The following PMVK variants were observed in gnomAD, a reference collection of about 807,000 sequenced individuals.
PMVK encodes the protein testis tissue sperm-binding protein Li 95mP.
Under a neutral mutation model 19.0 loss-of-function variants are expected in PMVK, and 10 were observed. The observed-to-expected ratio is 0.53, with a 90% CI of 0.32 to 0.89. The LOEUF is 0.89. Among genes scored for constraint, PMVK ranks in the 40% least tolerant of loss-of-function variants. The pLI is 0.03. For synonymous variants in PMVK, 108 were observed against 101.6 expected, an observed-to-expected ratio of 1.06 and a Z score of -0.38; for missense variants, 222 against 251.1, an observed-to-expected ratio of 0.88 and a Z score of 0.78.
At position 154,929,019 on chromosome 1, in the gene PMVK, C is replaced by A. The variant is rs754979271; in HGVS notation, c.312+5G>T. ...GTTCTTCATGCTGCCATGGAGCCCTCTTACCCAGATGGGCTGGGAGATGCC... is the reference window on the plus strand; with the variant it reads ...GTTCTTCATGCTGCCATGGAGCCCTATTACCCAGATGGGCTGGGAGATGCC... On this transcript the variant is annotated splice_donor_5th_base_variant and intron_variant, in intron 3 of 4. Transcript: ENST00000368467. The A allele has an allele frequency of 2.5e-6, 4 of 1,613,458 alleles. No individual in the cohort carries two copies. In the South Asian group the frequency reaches 4.4e-5, roughly 18 times the overall value.
At chr1:154,925,540 C>T (rs1360439030) in intron 4 of PMVK, among the ~76,000 whole-genome samples, 1 of 152,250 alleles carries the variant, frequency 6.6e-6, no homozygotes, top group Non-Finnish European at 1.5e-5. Flanking sequence ...TCTAAAACCA[C>T]ACACAACCCA....
intron 1 of PMVK, among the ~76,000 whole-genome samples, chr1:154,935,452 G>A (rs1654474216): frequency 1.3e-5 from 2 of 152,176 alleles, no homozygotes; most frequent in South Asian, 4.1e-4. Flanking sequence ...AGAAGATCTT[G>A]CTTTGACAGA....
chr1:154,925,024 C>A lies in PMVK; in HGVS notation c.*105G>T. 9.5e-7 allele frequency: 1 copy of A among 1,052,540 alleles called. No individual in the cohort carries two copies. The highest frequency in any genetic ancestry group is 1.4e-6 in the Non-Finnish European group (1 of 738,938). 65.2% of individuals were successfully genotyped at this position (1,052,540 alleles called of 1,614,324 possible). A position where few individuals can be genotyped will look rare whatever the true frequency, so the allele number is the denominator to read the frequency against. The stretch of plus-strand genomic sequence containing the variant: ...CAACCCCCTCAGAATCTAGACCCCC[C>A]CTGTCTGTTCCTCACCTCGGCCAGG... On this transcript the variant is annotated 3_prime_UTR_variant, in exon 5 of 5. Coordinates refer to ENST00000368467, the MANE Select transcript of PMVK (RefSeq NM_006556.4).
chr1:154,938,952 C>T (rs1254782814), upstream of PMVK, among the ~76,000 whole-genome samples: 1 of 152,140 alleles, frequency 6.6e-6, no homozygotes, highest in Non-Finnish European at 1.5e-5. Flanking sequence ...TTCCTGGGCT[C>T]AAGCAGTCCT....
At chr1:154,936,290 C>T in intron 1 of PMVK, 6 of 652,202 alleles carry the variant, frequency 9.2e-6, no homozygotes, top group Non-Finnish European at 1.1e-5. Context: ...CCATGTTGCC[C>T]AGGCTGGTAT....
chr1:154,932,114 C>T (rs1421031030), intron 2 of PMVK, among the ~76,000 whole-genome samples: 1 of 152,130 alleles, frequency 6.6e-6, no homozygotes, highest in Non-Finnish European at 1.5e-5. Flanking sequence ...ACTCGAGTGT[C>T]GACAGCCTTT....
intron 1 of PMVK, 31 bp downstream of exon 1, chr1:154,936,560 C>T (rs369608268): frequency 2.0e-4 from 312 of 1,573,560 alleles, no homozygotes; most frequent in Middle Eastern, 1.5e-3. Context: ...GCGGAGAGCT[C>T]CCCCTTCCAC....
chr1:154,933,938 T>C (rs1558032408), intron 1 of PMVK, among the ~76,000 whole-genome samples: 1 of 152,178 alleles, frequency 6.6e-6, no homozygotes, highest in African/African-American at 2.4e-5. Context: ...GTGATACAAA[T>C]GTGAATGATA....
chr1:154,926,578 G>A, intron 3 of PMVK, 95 bp from the exon 4 acceptor site: 5 of 1,044,010 alleles, frequency 4.8e-6, no homozygotes, highest in Non-Finnish European at 7.1e-6. Context: ...TGTGGGGTGT[G>A]GCTCTACCCC....
upstream of PMVK, among the ~76,000 whole-genome samples, chr1:154,939,104 G>A (rs1197611067): frequency 2.0e-5 from 3 of 152,146 alleles, no homozygotes; most frequent in South Asian, 2.1e-4. Context: ...GTGACATCAC[G>A]GTCATGGCCA....
chr1:154,941,055 GGAGAGCC>G (rs2101978242), upstream of PMVK, among the ~76,000 whole-genome samples: 1 of 152,378 alleles, frequency 6.6e-6, no homozygotes, highest in African/African-American at 2.4e-5. Flanking sequence ...CCTTAAGCAA[GGAGAGCC>G]CTCTTGCCCA....
intron 1 of PMVK, among the ~76,000 whole-genome samples, chr1:154,932,888 G>A (rs150664848): frequency 5.3e-5 from 8 of 152,232 alleles, no homozygotes; most frequent in African/African-American, 1.7e-4. Context: ...AGTGCTTGAG[G>A]CCAGGAGTTC....
intron 1 of PMVK, among the ~76,000 whole-genome samples, chr1:154,934,774 C>T (rs897926052): frequency 1.1e-4 from 17 of 152,042 alleles, no homozygotes; most frequent in East Asian, 3.9e-4. Flanking sequence ...AAAACTGAGA[C>T]GCAGGCCAGG....
intron 1 of PMVK, among the ~76,000 whole-genome samples, chr1:154,934,642 T>C (rs1056557580): frequency 6.6e-6 from 1 of 152,156 alleles, no homozygotes; most frequent in Non-Finnish European, 1.5e-5. Context: ...GTAAAATAAA[T>C]ATAGCCAACA....
chr1:154,927,394 G>A (rs947685250), intron 3 of PMVK, among the ~76,000 whole-genome samples: 3 of 146,258 alleles, frequency 2.1e-5, no homozygotes, highest in Admixed American at 7.0e-5. Context: ...GGTAGAGTGA[G>A]CTGAGATCGC....
the PMVK span, among the ~76,000 whole-genome samples, chr1:154,942,156 A>C: frequency 1.3e-5 from 2 of 152,138 alleles, no homozygotes; most frequent in Non-Finnish European, 2.9e-5. Context: ...AAACTTGGGG[A>C]GCTCCCAGCG....
At position 154,926,495 on chromosome 1, in the gene PMVK, G is replaced by A. The variant is rs199790890; in HGVS notation, c.313-12C>T. ...GTGTCACTCACCAGCTGCAGGAGAG[G>A]GACAGACAGGTGACCAACAGGACAG... On this transcript the variant is annotated splice_polypyrimidine_tract_variant and intron_variant, in intron 3 of 4. Coordinates refer to ENST00000368467, the MANE Select transcript of PMVK (RefSeq NM_006556.4). 26 of 1,612,336 alleles carry A rather than the reference G, an allele frequency of 1.6e-5. No individual in the cohort carries two copies. Among genetic ancestry groups the A allele is most frequent in the East Asian group, 2.2e-5 (1 of 44,874 alleles).
chr1:154,931,201 G>A (rs914055162), intron 2 of PMVK, among the ~76,000 whole-genome samples: 5 of 152,276 alleles, frequency 3.3e-5, no homozygotes, highest in Admixed American at 3.3e-4. Flanking sequence ...TTCCCATGGA[G>A]GCAAAGATGG....
At chr1:154,928,128 C>A (rs1654224415) in intron 3 of PMVK, among the ~76,000 whole-genome samples, 1 of 152,168 alleles carries the variant, frequency 6.6e-6, no homozygotes, top group Non-Finnish European at 1.5e-5. Flanking sequence ...TATAGGAGCA[C>A]CTGCCAGGGA....
Sources: allele counts gnomAD v4.1 joint callset (sites outside exome capture counted in the v4.1 genomes callset), GRCh38; gene constraint gnomAD v4.1.1; transcripts MANE v1.5; gene names NCBI Gene and HGNC (gene_info 2026-07-23, HGNC 2026-07-21).